CCDC127: variants seen among roughly 807,000 people sequenced by gnomAD.
The protein encoded by CCDC127 is coiled-coil domain-containing protein 127.
Under a neutral mutation model 4.1 loss-of-function variants are expected in CCDC127, and 2 were observed. The ratio of observed to expected loss-of-function variants is 0.49; its 90% CI spans 0.20 to 1.53. CCDC127 has a LOEUF of 1.53. Ranked by LOEUF, CCDC127 falls within the 40% of genes most tolerant of loss-of-function variation. The pLI, the probability that CCDC127 is intolerant of heterozygous loss-of-function variation, is 0.23. For synonymous variants in CCDC127, 98 were observed against 120.4 expected (o/e 0.81, Z 1.22); for missense variants, 271 against 322.9 (o/e 0.84, Z 1.23).
rs1204436737 is a variant in CCDC127, at chr5:218,118, G to C, written c.-36C>G. ...CTCGGTCGGGGAGCGCGGGACCTCA[G>C]CGTTCCCTTAACGCCACCGTCCGCG... On this transcript the variant is annotated 5_prime_UTR_variant, in exon 1 of 3. Coordinates refer to ENST00000296824, the MANE Select transcript of CCDC127 (RefSeq NM_145265.3). The C allele has an allele frequency of 2.5e-6, 3 of 1,224,314 alleles. No individual in the cohort carries two copies. The highest frequency in any genetic ancestry group is 3.3e-5 in the South Asian group (1 of 30,622). 75.8% of individuals were successfully genotyped at this position (1,224,314 alleles called of 1,614,324 possible).
At chr5:210,530 G>C (rs996938122) in intron 2 of CCDC127, among the ~76,000 whole-genome samples, 2 of 152,224 alleles carry the variant, frequency 1.3e-5, no homozygotes, top group Non-Finnish European at 2.9e-5. Context: ...CAATGAGCAC[G>C]TGAAGAGGTG....
At position 197,537 on chromosome 5, in the gene CCDC127, TA is replaced by T. The variant is rs1733987680; in HGVS notation, c.*7759del. Reference sequence around the variant, plus strand: ...GAATAGCGATGACTTTTACCAAGCATACTGCTTGTAAACATTTTGTTAACAA... The same window carrying T: ...GAATAGCGATGACTTTTACCAAGCATCTGCTTGTAAACATTTTGTTAACAA... On this transcript the variant is annotated 3_prime_UTR_variant, in exon 3 of 3. Transcript: ENST00000296824. 1.3e-5 allele frequency: 2 copies of T among 152,272 alleles called. No individual in the cohort carries two copies. Among genetic ancestry groups the T allele is most frequent in the Non-Finnish European group, 2.9e-5 (2 of 68,076 alleles). 9.4% of individuals were successfully genotyped at this position (152,272 alleles called of 1,614,324 possible). A position where few individuals can be genotyped will look rare whatever the true frequency, so the allele number is the denominator to read the frequency against.
rs201871329 is a variant in CCDC127, at chr5:199,309, CTG to C, written c.*5986_*5987del. Reference sequence around the variant, plus strand: ...CCCCTGTGTGGTGGACGTGGCCCCTCTGTGTGGTGGACGTGGCCCCTCTGTGT... The same window carrying C: ...CCCCTGTGTGGTGGACGTGGCCCCTCTGTGGTGGACGTGGCCCCTCTGTGT... On this transcript the variant is annotated 3_prime_UTR_variant, in exon 3 of 3. Transcript: ENST00000296824. The C allele has an allele frequency of 4.7e-3, 729 of 154,484 alleles. 2 individuals carry two copies. The highest frequency in any genetic ancestry group is 0.018 in the African/African-American group (673 of 37,346). The allele number at this position is 154,484 out of a possible 1,614,324, so 9.6% of individuals were successfully genotyped here. A position where few individuals can be genotyped will look rare whatever the true frequency, so the allele number is the denominator to read the frequency against.
Position 197,015 on chromosome 5 carries a change from A to G in CCDC127, c.*8282T>C, listed in dbSNP as rs1209580030. The G allele has an allele frequency of 6.7e-6, 1 of 150,350 alleles. No homozygotes were observed. The highest frequency in any genetic ancestry group is 1.5e-5 in the Non-Finnish European group (1 of 67,956). The allele number at this position is 150,350 out of a possible 1,614,324, so 9.3% of individuals were successfully genotyped here. On this transcript the variant is annotated 3_prime_UTR_variant, in exon 3 of 3. Coordinates refer to ENST00000296824, the MANE Select transcript of CCDC127 (RefSeq NM_145265.3). ...GTAGTAGGAGAGCAGGGTGATAATA[A>G]GGAGGAGGTCAGCAAAAACGTGTGA...
At chr5:207,860 G>A (rs995363776) in intron 2 of CCDC127, among the ~76,000 whole-genome samples, 6 of 152,134 alleles carry the variant, frequency 3.9e-5, no homozygotes, top group Non-Finnish European at 7.4e-5. Flanking sequence ...ATCTGGGGAC[G>A]ATCTCAGTCG....
chr5:199,787 C>A lies in CCDC127; in HGVS notation c.*5510G>T, dbSNP rs991060979. ...GATGGGCTCGGTCTCAGTGTCCCTG[C>A]TGGAATATTAAACAGAGCCACTTGA... On this transcript the variant is annotated 3_prime_UTR_variant, in exon 3 of 3. Coordinates refer to ENST00000296824, the MANE Select transcript of CCDC127 (RefSeq NM_145265.3). 1.3e-5 allele frequency: 2 copies of A among 152,294 alleles called. No homozygotes were observed. Among genetic ancestry groups the A allele is most frequent in the African/African-American group, 2.4e-5 (1 of 41,440 alleles). The allele number at this position is 152,294 out of a possible 1,614,324, so 9.4% of individuals were successfully genotyped here.
chr5:205,749 G>T lies in CCDC127; in HGVS notation c.331C>A (p.Arg111Ser). The T allele has an allele frequency of 6.2e-7, 1 of 1,613,934 alleles. No individual in the cohort carries two copies. The highest frequency in any genetic ancestry group is 8.5e-7 in the Non-Finnish European group (1 of 1,180,022). Residue 111 changes from arginine to serine, a missense_variant, in exon 3 of 3, where the codon CGC becomes AGC. Arg to Ser is a moderately radical substitution (Grantham distance 110). Transcript: ENST00000296824. ...AGCTTCTTTTCTTCTACCAACTTGC[G>T]TCCCTGAGAGATAAGGGCTTCTCGG... ...SYREALISQG[R>S]KLVEEKKLLE...
chr5:208,281 C>T (rs1282843309), intron 2 of CCDC127, among the ~76,000 whole-genome samples: 3 of 152,128 alleles, frequency 2.0e-5, no homozygotes, highest in Admixed American at 6.5e-5. Context: ...AGGAACAACA[C>T]GGGGGCAAGT....
intron 2 of CCDC127, chr5:215,979 G>A (rs1470656536): frequency 6.6e-6 from 1 of 151,418 alleles, no homozygotes; most frequent in Non-Finnish European, 1.5e-5. Context: ...TTTCTGGCCA[G>A]GCCAAGCAGA....
chr5:200,619 G>C lies in CCDC127; in HGVS notation c.*4678C>G, dbSNP rs1054565904. 8 of 152,228 alleles carry C rather than the reference G, an allele frequency of 5.3e-5. No homozygotes were observed. The highest frequency in any genetic ancestry group is 8.8e-5 in the Non-Finnish European group (6 of 68,054). 9.4% of individuals were successfully genotyped at this position (152,228 alleles called of 1,614,324 possible). Reference sequence around the variant, plus strand: ...CATCTAACCTGTGTTCTCCATTCTTGACCTGAAGTTTCACGAGACAGCCTT... The same window carrying C: ...CATCTAACCTGTGTTCTCCATTCTTCACCTGAAGTTTCACGAGACAGCCTT... On this transcript the variant is annotated 3_prime_UTR_variant, in exon 3 of 3. Transcript: ENST00000296824.
At position 205,759 on chromosome 5, in the gene CCDC127, G is replaced by C; in HGVS notation, c.321C>G (p.Ile107Met). Residue 107 changes from isoleucine to methionine, a missense_variant, in exon 3 of 3, where the codon ATC becomes ATG. Coordinates refer to ENST00000296824, the MANE Select transcript of CCDC127 (RefSeq NM_145265.3). Reference sequence around the variant, plus strand: ...CTTCTACCAACTTGCGTCCCTGAGAGATAAGGGCTTCTCGGTAACTAGCAG... The same window carrying C: ...CTTCTACCAACTTGCGTCCCTGAGACATAAGGGCTTCTCGGTAACTAGCAG... ...NRTASYREAL[I>M]SQGRKLVEEK... is the part of the protein sequence containing the mutation. The C allele has an allele frequency of 6.2e-7, 1 of 1,614,134 alleles. No homozygotes were observed. The highest frequency in any genetic ancestry group is 1.3e-5 in the African/African-American group (1 of 75,034).
intron 2 of CCDC127, among the ~76,000 whole-genome samples, chr5:213,326 G>T (rs372648729): frequency 4.1e-5 from 3 of 73,172 alleles, no homozygotes; most frequent in Non-Finnish European, 2.5e-5. Context: ...TGGGGCAGAC[G>T]GGACAGCAGT....
rs745724627 is a variant in CCDC127, at chr5:213,551, C to A, written c.121+3178G>T. Among the ~76,000 whole-genome samples the A allele has an allele frequency of 6.5e-3, 882 of 136,736 alleles. 4 individuals carry two copies. The highest frequency in any genetic ancestry group is 0.012 in the Middle Eastern group (3 of 242). The allele number at this position is 136,736 out of a possible 152,430, so 89.7% of individuals were successfully genotyped here. Reference sequence around the variant, plus strand: ...GATGCTCGACATCGCACACTGCAGCCACGACGAGACAGCACCACACACCCA... The same window carrying A: ...GATGCTCGACATCGCACACTGCAGCAACGACGAGACAGCACCACACACCCA... On this transcript the variant is annotated intron_variant, in intron 2 of 2. Coordinates refer to ENST00000296824, the MANE Select transcript of CCDC127 (RefSeq NM_145265.3).
At chr5:209,844 C>T (rs1734243784) in intron 2 of CCDC127, among the ~76,000 whole-genome samples, 1 of 152,182 alleles carries the variant, frequency 6.6e-6, no homozygotes, top group South Asian at 2.1e-4. Context: ...TAACACATTA[C>T]TAAGCTGATG....
Position 205,281 on chromosome 5 carries a change from T to C in CCDC127, c.*16A>G. On this transcript the variant is annotated 3_prime_UTR_variant, in exon 3 of 3. Coordinates refer to ENST00000296824, the MANE Select transcript of CCDC127 (RefSeq NM_145265.3). ...TGGCCTCGAGTCACTAAAAGCAGTT[T>C]GATTTCACTCTTGTCTTACTTTTCT... 1 of 1,590,952 alleles carries C rather than the reference T, an allele frequency of 6.3e-7. No individual in the cohort carries two copies. The highest frequency in any genetic ancestry group is 8.6e-7 in the Non-Finnish European group (1 of 1,165,952).
chr5:217,716 T>C (rs1356963206), intron 1 of CCDC127, among the ~76,000 whole-genome samples: 5 of 151,746 alleles, frequency 3.3e-5, no homozygotes, highest in Admixed American at 1.3e-4. Flanking sequence ...ATTACAGAGT[T>C]CTCTGCTTCG....
chr5:217,882 ATAGTT>A (rs1221072511), intron 1 of CCDC127, among the ~76,000 whole-genome samples: 2 of 152,266 alleles, frequency 1.3e-5, no homozygotes, highest in Non-Finnish European at 2.9e-5. Context: ...CAATTACAAA[ATAGTT>A]TAGTTAATCA....
intron 2 of CCDC127, among the ~76,000 whole-genome samples, chr5:210,999 C>T (rs1157627875): frequency 4.3e-5 from 3 of 70,514 alleles, no homozygotes; most frequent in African/African-American, 1.7e-4. Context: ...ATGGGGCAGA[C>T]GGGACAGCAG....
intron 2 of CCDC127, among the ~76,000 whole-genome samples, chr5:207,700 G>A (rs1007992382): frequency 3.3e-5 from 5 of 152,112 alleles, no homozygotes; most frequent in Admixed American, 6.6e-5. Context: ...CAGGAGACCC[G>A]GACAAGGAGC....
Sources: gnomAD v4.1 joint callset for allele counts (sites outside exome capture counted in the v4.1 genomes callset) on GRCh38, gnomAD v4.1.1 for gene constraint, MANE v1.5 for transcripts, NCBI Gene and HGNC (gene_info 2026-07-23, HGNC 2026-07-21) for gene names.